EEIG2: variants seen among roughly 807,000 people sequenced by gnomAD.
The protein encoded by EEIG2 is EEIG family member 2, also known as family with sequence similarity 102 member B.
At chr1:108,563,029 C>T in the EEIG2 span, among the ~76,000 whole-genome samples, 1 of 152,116 alleles carries the variant, frequency 6.6e-6, no homozygotes, top group South Asian at 2.1e-4. Context: ...TGTAACATTT[C>T]TCCTGTAAAA....
the EEIG2 span, among the ~76,000 whole-genome samples, chr1:108,587,352 C>G: frequency 6.6e-6 from 1 of 152,194 alleles, no homozygotes; most frequent in South Asian, 2.1e-4. Context: ...ACAATATCCC[C>G]CAGCTATTAA....
the EEIG2 span, among the ~76,000 whole-genome samples, chr1:108,590,915 T>G: frequency 1.3e-5 from 2 of 152,224 alleles, no homozygotes; most frequent in African/African-American, 4.8e-5. Context: ...TATTTTACTT[T>G]TATTTTTTAA....
At chr1:108,633,588 A>G in the EEIG2 span, among the ~76,000 whole-genome samples, 1 of 152,188 alleles carries the variant, frequency 6.6e-6, no homozygotes, top group South Asian at 2.1e-4. Context: ...TTTTCTGACA[A>G]GAAGTCTGCC....
chr1:108,566,143 T>TA, the EEIG2 span, among the ~76,000 whole-genome samples: 1,458 of 152,288 alleles, frequency 9.6e-3, 23 homozygotes, highest in African/African-American at 0.033. Context: ...ATTATTTTAA[T>TA]GGTGCATATT....
the EEIG2 span, among the ~76,000 whole-genome samples, chr1:108,595,328 A>T: frequency 7.6e-6 from 1 of 131,570 alleles, no homozygotes; most frequent in Admixed American, 7.5e-5. Flanking sequence ...GGAAAGAATG[A>T]AGGAAGGAAG....
chr1:108,564,861 C>T, the EEIG2 span, among the ~76,000 whole-genome samples: 6 of 151,996 alleles, frequency 3.9e-5, no homozygotes, highest in Admixed American at 1.3e-4. Context: ...GTAGGAGGAT[C>T]GCTTGAACCC....
chr1:108,565,337 G>GTA, the EEIG2 span, among the ~76,000 whole-genome samples: 1 of 152,104 alleles, frequency 6.6e-6, no homozygotes. Context: ...AGACTATGTC[G>GTA]TATAGCCTGT....
chr1:108,571,074 T>C, the EEIG2 span, among the ~76,000 whole-genome samples: 1 of 152,182 alleles, frequency 6.6e-6, no homozygotes, highest in Non-Finnish European at 1.5e-5. Context: ...GTTTGCATGA[T>C]ATTACGATAG....
At chr1:108,572,905 G>A in the EEIG2 span, among the ~76,000 whole-genome samples, 8 of 152,162 alleles carry the variant, frequency 5.3e-5, no homozygotes. Flanking sequence ...TTAGTAATAT[G>A]CATTTAAGGT....
At chr1:108,563,244 A>G in the EEIG2 span, among the ~76,000 whole-genome samples, 1,452 of 152,322 alleles carry the variant, frequency 9.5e-3, 23 homozygotes, top group African/African-American at 0.033. Flanking sequence ...GCTAAATTCC[A>G]TCTGGAATTT....
At chr1:108,626,387 GGACAC>G in the EEIG2 span, 1 of 152,074 alleles carries the variant, frequency 6.6e-6, no homozygotes, top group African/African-American at 2.4e-5. Flanking sequence ...AGAAGGCCCG[GGACAC>G]AGTAGATGAG....
At chr1:108,580,962 GA>G in the EEIG2 span, among the ~76,000 whole-genome samples, 2 of 152,192 alleles carry the variant, frequency 1.3e-5, 1 homozygote, top group Non-Finnish European at 2.9e-5. Context: ...TTTGTAGCTA[GA>G]GAGAAGTCAA....
chr1:108,617,168 T>C, the EEIG2 span, among the ~76,000 whole-genome samples: 1 of 152,090 alleles, frequency 6.6e-6, no homozygotes, highest in Admixed American at 6.5e-5. Context: ...TGATAGGAGA[T>C]GAGGTCAGAT....
chr1:108,580,223 C>T, the EEIG2 span, among the ~76,000 whole-genome samples: 1 of 152,128 alleles, frequency 6.6e-6, no homozygotes, highest in Non-Finnish European at 1.5e-5. Context: ...TTTGGGGAGC[C>T]ATGAACTGCA....
At chr1:108,625,796 G>C in the EEIG2 span, 37 of 151,384 alleles carry the variant, frequency 2.4e-4, no homozygotes, top group African/African-American at 9.0e-4. Context: ...GTGTGTGTGT[G>C]TGTGTGTGTG....
the EEIG2 span, among the ~76,000 whole-genome samples, chr1:108,586,193 A>G: frequency 6.6e-6 from 1 of 152,050 alleles, no homozygotes; most frequent in Non-Finnish European, 1.5e-5. Context: ...TGCATGCAGA[A>G]GACTCCAGGA....
chr1:108,636,926 AT>A, the EEIG2 span: 2 of 152,180 alleles, frequency 1.3e-5, no homozygotes, highest in Non-Finnish European at 2.9e-5. Context: ...TATTTTCAAA[AT>A]ATTATTTCTA....
At chr1:108,579,784 A>AGAGAGAGAGAGAGAGAGAGAGG in the EEIG2 span, among the ~76,000 whole-genome samples, 7 of 148,170 alleles carry the variant, frequency 4.7e-5, no homozygotes, top group Admixed American at 3.4e-4. Flanking sequence ...AGAGAGAGAG[A>AGAGAGAGAGAGAGAGAGAGAGG]GAGAGAGAGA....
At chr1:108,604,883 A>AG in the EEIG2 span, among the ~76,000 whole-genome samples, 1 of 145,710 alleles carries the variant, frequency 6.9e-6, no homozygotes, top group Admixed American at 6.9e-5. Flanking sequence ...AAAAAAAAAG[A>AG]GAAAAAAAAA....
Sources: gnomAD v4.1 joint callset for allele counts (sites outside exome capture counted in the v4.1 genomes callset) on GRCh38, gnomAD v4.1.1 for gene constraint, MANE v1.5 for transcripts, NCBI Gene and HGNC (gene_info 2026-07-23, HGNC 2026-07-21) for gene names.